The following NSMCE2 variants were observed in gnomAD, a reference collection of about 807,000 sequenced individuals.
The protein encoded by NSMCE2 is NSE2 SUMO ligase component of SMC5/6 complex.
A neutral mutation model predicts 23.8 loss-of-function variants in NSMCE2; 24 were observed. The observed-to-expected ratio is 1.01, with a 90% confidence interval of 0.73 to 1.42. The LOEUF (loss-of-function observed/expected upper bound fraction) is 1.42, where lower values mean the gene tolerates loss of function less well. NSMCE2 is among the 40% of genes most tolerant of loss of function. The pLI, the probability that NSMCE2 is intolerant of heterozygous loss-of-function variation, is 0.00. For synonymous variants in NSMCE2, 92 were observed against 94.1 expected (o/e 0.98, Z 0.13); for missense variants, 284 against 296.5 (o/e 0.96, Z 0.31).
chr8:125,306,991 A>C (rs1020246541), intron 5 of NSMCE2, among the ~76,000 whole-genome samples: 11 of 152,238 alleles, frequency 7.2e-5, no homozygotes, highest in Non-Finnish European at 1.5e-4. Flanking sequence ...GTTCAATGTT[A>C]GTGCTACTAC....
intron 3 of NSMCE2, among the ~76,000 whole-genome samples, chr8:125,122,658 A>G (rs1192977647): frequency 6.6e-6 from 1 of 151,972 alleles, no homozygotes; most frequent in South Asian, 2.1e-4. Context: ...CTCCCACCCA[A>G]ACCAAATTGA....
At chr8:125,123,495 A>C (rs906630756) in intron 3 of NSMCE2, among the ~76,000 whole-genome samples, 1 of 152,262 alleles carries the variant, frequency 6.6e-6, no homozygotes, top group African/African-American at 2.4e-5. Flanking sequence ...GAAAGAGCTA[A>C]AGCTCGAAGG....
intron 4 of NSMCE2, among the ~76,000 whole-genome samples, chr8:125,154,467 A>G (rs1237452612): frequency 6.6e-6 from 1 of 151,840 alleles, no homozygotes; most frequent in Non-Finnish European, 1.5e-5. Context: ...ACAGTGCCCA[A>G]AGATTTTGTT....
At chr8:125,331,704 C>A (rs148352302) in intron 5 of NSMCE2, among the ~76,000 whole-genome samples, 1 of 152,242 alleles carries the variant, frequency 6.6e-6, no homozygotes, top group East Asian at 1.9e-4. Flanking sequence ...GAAGTTATTT[C>A]ACTGCTTCAG....
At chr8:125,121,454 A>G (rs1348828559) in intron 3 of NSMCE2, among the ~76,000 whole-genome samples, 1 of 152,194 alleles carries the variant, frequency 6.6e-6, no homozygotes, top group African/African-American at 2.4e-5. Flanking sequence ...ACCAATTATT[A>G]TTGGCTCATG....
At chr8:125,103,612 G>A (rs1818308826) in intron 3 of NSMCE2, among the ~76,000 whole-genome samples, 2 of 152,042 alleles carry the variant, frequency 1.3e-5, no homozygotes, top group African/African-American at 2.4e-5. Context: ...CACATTTCAT[G>A]TATGTTAGAT....
At chr8:125,254,682 A>G (rs1381937604) in intron 5 of NSMCE2, among the ~76,000 whole-genome samples, 2 of 151,868 alleles carry the variant, frequency 1.3e-5, no homozygotes, top group African/African-American at 2.4e-5. Flanking sequence ...ATAAGACTTT[A>G]AGCCTAATTT....
chr8:125,234,901 T>C (rs1825477488), intron 5 of NSMCE2, among the ~76,000 whole-genome samples: 1 of 152,164 alleles, frequency 6.6e-6, no homozygotes, highest in Non-Finnish European at 1.5e-5. Context: ...CTCTGTCCTC[T>C]AATTTAAACA....
intron 4 of NSMCE2, among the ~76,000 whole-genome samples, chr8:125,172,259 G>A (rs1311672291): frequency 2.0e-5 from 3 of 152,178 alleles, no homozygotes; most frequent in Non-Finnish European, 4.4e-5. Flanking sequence ...GCAAAGGACT[G>A]AGGTGGCATA....
chr8:125,170,910 CAG>C lies in NSMCE2; in HGVS notation c.265-11190_265-11189del, dbSNP rs369004159. On this transcript the variant is annotated intron_variant, in intron 4 of 7. Transcript: ENST00000287437. ...AGAATGACCCTTTTAAAAAGAAAATCAGAGGTTTTTACTACTCTGTGCAAAAC... is the reference window on the plus strand; with the variant it reads ...AGAATGACCCTTTTAAAAAGAAAATCAGGTTTTTACTACTCTGTGCAAAAC... Among the ~76,000 whole-genome samples, 663 of 152,228 alleles carry C rather than the reference CAG, an allele frequency of 4.4e-3. 6 individuals are homozygous for C. Among genetic ancestry groups the C allele is most frequent in the African/African-American group, 0.015 (626 of 41,530 alleles).
At chr8:125,230,618 C>A (rs1243634148) in intron 5 of NSMCE2, among the ~76,000 whole-genome samples, 2 of 152,202 alleles carry the variant, frequency 1.3e-5, no homozygotes, top group African/African-American at 2.4e-5. Context: ...TACTCAACAC[C>A]AGATGAATAG....
intron 5 of NSMCE2, among the ~76,000 whole-genome samples, chr8:125,298,696 T>G (rs1586735702): frequency 2.5e-5 from 3 of 118,316 alleles, no homozygotes; most frequent in African/African-American, 9.9e-5. Flanking sequence ...GGTTTTTTTT[T>G]GTTTTTTTTT....
intron 5 of NSMCE2, among the ~76,000 whole-genome samples, chr8:125,242,888 G>A (rs925759712): frequency 3.9e-5 from 6 of 152,212 alleles, no homozygotes; most frequent in African/African-American, 1.4e-4. Context: ...CACAGTGATA[G>A]ACAAGGAGAG....
At chr8:125,155,302 G>A (rs1821250701) in intron 4 of NSMCE2, among the ~76,000 whole-genome samples, 1 of 152,154 alleles carries the variant, frequency 6.6e-6, no homozygotes, top group South Asian at 2.1e-4. Context: ...GTCTCAACAT[G>A]GGAAATATAT....
At chr8:125,204,292 G>A (rs1179836428) in intron 5 of NSMCE2, among the ~76,000 whole-genome samples, 2 of 152,218 alleles carry the variant, frequency 1.3e-5, no homozygotes, top group African/African-American at 4.8e-5. Flanking sequence ...AAGTGTGGCT[G>A]CCTGTTTGTT....
At chr8:125,134,722 CTT>C (rs34284298) in intron 3 of NSMCE2, among the ~76,000 whole-genome samples, 92 of 117,686 alleles carry the variant, frequency 7.8e-4, no homozygotes, top group Middle Eastern at 4.8e-3. Context: ...TAACGGATTC[CTT>C]TTTTTTTTTT....
chr8:125,271,625 G>A (rs193099125), intron 5 of NSMCE2, among the ~76,000 whole-genome samples: 3 of 152,220 alleles, frequency 2.0e-5, no homozygotes, highest in Non-Finnish European at 4.4e-5. Flanking sequence ...AATGGCTTTT[G>A]GCCCCTTAAA....
intron 3 of NSMCE2, among the ~76,000 whole-genome samples, chr8:125,142,600 G>A (rs1249256666): frequency 1.3e-5 from 2 of 151,786 alleles, no homozygotes; most frequent in East Asian, 1.9e-4. Context: ...GTTATAAAAT[G>A]TGTATTCAGT....
At chr8:125,222,164 A>G (rs1824890745) in intron 5 of NSMCE2, among the ~76,000 whole-genome samples, 1 of 152,126 alleles carries the variant, frequency 6.6e-6, no homozygotes, top group Non-Finnish European at 1.5e-5. Flanking sequence ...ATTACTAAAT[A>G]TATTAATCAT....
Sources: allele counts gnomAD v4.1 joint callset (sites outside exome capture counted in the v4.1 genomes callset), GRCh38; gene constraint gnomAD v4.1.1; transcripts MANE v1.5; gene names NCBI Gene and HGNC (gene_info 2026-07-23, HGNC 2026-07-21).